The following CALML4 variants were observed in gnomAD, a reference collection of about 807,000 sequenced individuals.
CALML4 encodes the protein calmodulin-like protein 4.
Under a neutral mutation model 17.9 loss-of-function variants are expected in CALML4, and 16 were observed. That is an observed-to-expected ratio of 0.89 (90% CI 0.61 to 1.36). CALML4 has a LOEUF of 1.36. Among genes scored for constraint, CALML4 ranks in the 40% most tolerant of loss-of-function variants. The pLI is 0.00. For synonymous variants in CALML4, 86 were observed against 71.5 expected, an observed-to-expected ratio of 1.20 and a Z score of -1.02; for missense variants, 203 against 194.8, an observed-to-expected ratio of 1.04 and a Z score of -0.25.
intron 2 of CALML4, chr15:68,199,923 TA>T (rs1159210927): frequency 1.1e-5 from 4 of 366,712 alleles, no homozygotes; most frequent in African/African-American, 8.4e-5. Context: ...ATAGGACATA[TA>T]CTTCTATTGG....
chr15:68,196,599 C>T (rs975416598), intron 4 of CALML4, among the ~76,000 whole-genome samples: 1 of 152,140 alleles, frequency 6.6e-6, no homozygotes, highest in Non-Finnish European at 1.5e-5. Context: ...TCCCTGGCCT[C>T]GGGCAGAGGC....
At position 68,191,454 on chromosome 15, in the gene CALML4, C is replaced by G. The variant is rs1057359533; in HGVS notation, c.*2561G>C. ...CTCTTTAGATGTAATAAAAGAAAAG[C>G]CTTCAGTTAATTTGTCTTCTGTAAA... On this transcript the variant is annotated 3_prime_UTR_variant, in exon 5 of 5. Transcript: ENST00000467889. 1 of 152,584 alleles carries G rather than the reference C, an allele frequency of 6.6e-6. No homozygotes were observed. Among genetic ancestry groups the G allele is most frequent in the Admixed American group, 6.5e-5 (1 of 15,276 alleles). The allele number at this position is 152,584 out of a possible 1,614,324, so 9.5% of individuals were successfully genotyped here.
rs2093179352 is a variant in CALML4 at position 68,205,322 on chromosome 15, G to A, written c.-75C>T. The A allele has an allele frequency of 1.2e-6, 2 of 1,614,028 alleles. No individual in the cohort carries two copies. Among genetic ancestry groups the A allele is most frequent in the Admixed American group, 1.7e-5 (1 of 60,004 alleles). Reference sequence around the variant, plus strand: ...TCAGTTCCCTTTCCTCCAGCCTCAAGTCTAAAGTCTGCCAAGCTGGGTGGA... The same window carrying A: ...TCAGTTCCCTTTCCTCCAGCCTCAAATCTAAAGTCTGCCAAGCTGGGTGGA... On this transcript the variant is annotated 5_prime_UTR_variant, in exon 1 of 5. Coordinates refer to ENST00000467889, the MANE Select transcript of CALML4 (RefSeq NM_033429.3). The surrounding 1 kb of genome is among the most constrained non-coding windows in gnomAD (Gnocchi z 4.8).
chr15:68,199,436 C>T (rs2093157577), intron 3 of CALML4, 105 bp downstream of exon 3: 3 of 1,298,056 alleles, frequency 2.3e-6, no homozygotes, highest in South Asian at 1.6e-5. Context: ...CCCAGGAGGC[C>T]TCCCTGCCAC....
intron 4 of CALML4, among the ~76,000 whole-genome samples, chr15:68,194,491 C>A (rs752999329): frequency 6.6e-6 from 1 of 151,588 alleles, no homozygotes; most frequent in Admixed American, 6.6e-5. Context: ...TCAAGCGATT[C>A]TCCTGCCTCA....
Position 68,200,598 on chromosome 15 carries a change from G to A in CALML4, c.35-917C>T, listed in dbSNP as rs186239118. On this transcript the variant is annotated intron_variant, in intron 2 of 4. Coordinates refer to ENST00000467889, the MANE Select transcript of CALML4 (RefSeq NM_033429.3). This position sits in a 1 kb window ranked among gnomAD's most constrained non-coding sequence, Gnocchi z 4.3. ...AGCATCTGATTTAGGGGTAGGTGGG[G>A]CTGCCATCAGGACAGGGAGATTCTC... Among the ~76,000 whole-genome samples the A allele has an allele frequency of 4.6e-4, 70 of 152,300 alleles. 2 individuals are homozygous for A. Among genetic ancestry groups the A allele is most frequent in the East Asian group, 3.7e-3 (19 of 5,162 alleles).
chr15:68,196,174 G>A (rs764422477), intron 4 of CALML4, among the ~76,000 whole-genome samples: 6 of 152,288 alleles, frequency 3.9e-5, no homozygotes, highest in South Asian at 4.1e-4. Context: ...TCAGCCTCCC[G>A]AGTAGCTGGG....
At chr15:68,201,237 G>C (rs745426624) in intron 2 of CALML4, among the ~76,000 whole-genome samples, 4 of 152,222 alleles carry the variant, frequency 2.6e-5, no homozygotes, top group Admixed American at 6.5e-5. Context: ...GCTTCCGAAG[G>C]GGCAAACCAA....
chr15:68,205,128 T>C lies in CALML4; in HGVS notation c.27A>G (p.Gln9=). 2 of 1,614,014 alleles carry C rather than the reference T, an allele frequency of 1.2e-6. No homozygotes were observed. The highest frequency in any genetic ancestry group is 1.7e-6 in the Non-Finnish European group (2 of 1,180,018). MAKFLSQD[Q]INEYKECFSL... ...AGAACAAACCCAACCTACCATTAAT[T>C]TGGTCTTGGGAAAGAAACTTGGCCT... The change falls in exon 2 of 5, where the codon CAA becomes CAG. Residue 9 remains glutamine (Q), a synonymous_variant. Coordinates refer to ENST00000467889, the MANE Select transcript of CALML4 (RefSeq NM_033429.3). The surrounding 1 kb of genome is among the most constrained non-coding windows in gnomAD (Gnocchi z 4.8).
Position 68,194,099 on chromosome 15 carries a change from G to T in CALML4, c.378C>A (p.Phe126Leu). The T allele has an allele frequency of 1.2e-6, 2 of 1,612,342 alleles. No individual in the cohort carries two copies. The highest frequency in any genetic ancestry group is 1.7e-6 in the Non-Finnish European group (2 of 1,178,442). ...KLTHKEVDDL[F>L]READIEPNGK... ...CATTGGGTTCGATATCTGCTTCCCT[G>T]AAGAGATCATCCACTGCAATAAATC... The change falls in exon 5 of 5, where the codon TTC (phenylalanine) becomes TTA (leucine). Residue 126 changes from phenylalanine to leucine, a missense_variant. Phe to Leu is a conservative substitution (Grantham distance 22). Coordinates refer to ENST00000467889, the MANE Select transcript of CALML4 (RefSeq NM_033429.3).
chr15:68,197,038 G>A lies in CALML4; in HGVS notation c.364+402C>T, dbSNP rs775951945. Among the ~76,000 whole-genome samples, 2 of 152,188 alleles carry A rather than the reference G, an allele frequency of 1.3e-5. No individual in the cohort carries two copies. Among genetic ancestry groups the A allele is most frequent in the Non-Finnish European group, 1.5e-5 (1 of 68,028 alleles). On this transcript the variant is annotated intron_variant, in intron 4 of 4. Transcript: ENST00000467889. The surrounding 1 kb of genome is among the most constrained non-coding windows in gnomAD (Gnocchi z 4.1). ...CTAGACCTGCCTTCGCTCCTGCGCC[G>A]CTGCTTGGGAGCCGCTCACTCCCCC...
At position 68,192,182 on chromosome 15, in the gene CALML4, G is replaced by A. The variant is rs1010616043; in HGVS notation, c.*1833C>T. 5.3e-5 allele frequency: 8 copies of A among 152,000 alleles called. No individual in the cohort carries two copies. The highest frequency in any genetic ancestry group is 1.9e-4 in the African/African-American group (8 of 41,354). The allele number at this position is 152,000 out of a possible 1,614,324, so 9.4% of individuals were successfully genotyped here. A position where few individuals can be genotyped will look rare whatever the true frequency, so the allele number is the denominator to read the frequency against. ...GGCTGTGCAGGATTTACTTCCTAAT[G>A]TCCATGACTGGAGCTCAAAAGAACT... On this transcript the variant is annotated 3_prime_UTR_variant, in exon 5 of 5. Transcript: ENST00000467889.
intron 2 of CALML4, among the ~76,000 whole-genome samples, chr15:68,201,455 C>T (rs1256623640): frequency 3.9e-5 from 6 of 152,204 alleles, no homozygotes; most frequent in Non-Finnish European, 5.9e-5. Context: ...AGGGGGTACC[C>T]CTGGGGACCT....
At position 68,197,393 on chromosome 15, in the gene CALML4, C is replaced by T. The variant is rs772559404; in HGVS notation, c.364+47G>A. 1.9e-6 allele frequency: 3 copies of T among 1,576,558 alleles called. No individual in the cohort carries two copies. Among genetic ancestry groups the T allele is most frequent in the Non-Finnish European group, 1.7e-6 (2 of 1,160,066 alleles). ...CTAGGCTTTGGTGCCCTCCTTCCAA[C>T]TCCCTAACCCCCTCCAACTGTTGGG... is the stretch of plus-strand genomic sequence containing the variant. On this transcript the variant is annotated intron_variant, in intron 4 of 4. Coordinates refer to ENST00000467889, the MANE Select transcript of CALML4 (RefSeq NM_033429.3). The surrounding 1 kb of genome is among the most constrained non-coding windows in gnomAD (Gnocchi z 4.1).
rs767464297 is a variant in CALML4, at chr15:68,197,594, C to G, written c.210G>C (p.Leu70=). 12 of 1,614,068 alleles carry G rather than the reference C, an allele frequency of 7.4e-6. No homozygotes were observed. The highest frequency in any genetic ancestry group is 1.0e-5 in the Non-Finnish European group (12 of 1,180,024). ...GTTTTATTTGCATGTGCATAATGGT[C>G]AGAAAAGTGGAGAAATCCAGCTCTC... is the stretch of plus-strand genomic sequence containing the variant. ...GNGELDFSTF[L]TIMHMQIKQE... is the part of the protein sequence containing the mutation. The change falls in exon 4 of 5, where the codon CTG becomes CTC. Residue 70 remains leucine (L), a synonymous_variant. Coordinates refer to ENST00000467889, the MANE Select transcript of CALML4 (RefSeq NM_033429.3). This position sits in a 1 kb window ranked among gnomAD's most constrained non-coding sequence, Gnocchi z 4.1.
rs1326706609 is a variant in CALML4, at chr15:68,193,050, T to G, written c.*965A>C. ...AAGCCTAGTGCTCCTACTACTGTTTTCCAGGGCTGTTGTACCCTGGCCATT... is the reference window on the plus strand; with the variant it reads ...AAGCCTAGTGCTCCTACTACTGTTTGCCAGGGCTGTTGTACCCTGGCCATT... On this transcript the variant is annotated 3_prime_UTR_variant, in exon 5 of 5. Coordinates refer to ENST00000467889, the MANE Select transcript of CALML4 (RefSeq NM_033429.3). The G allele has an allele frequency of 6.6e-6, 1 of 152,268 alleles. No individual in the cohort carries two copies. Among genetic ancestry groups the G allele is most frequent in the Non-Finnish European group, 1.5e-5 (1 of 68,088 alleles). The allele number at this position is 152,268 out of a possible 1,614,324, so 9.4% of individuals were successfully genotyped here. A position where few individuals can be genotyped will look rare whatever the true frequency, so the allele number is the denominator to read the frequency against.
At position 68,204,056 on chromosome 15, in the gene CALML4, C is replaced by T. The variant is rs77142133; in HGVS notation, c.34+1065G>A. ...AGACCTGGACAAGAGGGCACTGCCC[C>T]GGGCCCTGTGTTTTAAAAGTCCCTG... is the stretch of plus-strand genomic sequence containing the variant. On this transcript the variant is annotated intron_variant, in intron 2 of 4. Transcript: ENST00000467889. The surrounding 1 kb of genome is among the most constrained non-coding windows in gnomAD (Gnocchi z 6.0). 3.3e-5 allele frequency among the ~76,000 whole-genome samples: 5 copies of T among 152,270 alleles called. No homozygotes were observed. The highest frequency in any genetic ancestry group is 4.1e-4 in the South Asian group (2 of 4,826).
intron 3 of CALML4, chr15:68,198,545 C>T (rs2093153999): frequency 6.6e-6 from 1 of 152,244 alleles, no homozygotes; most frequent in African/African-American, 2.4e-5. Flanking sequence ...GGCTCTGAAA[C>T]TACTTTTTTT....
At position 68,193,415 on chromosome 15, in the gene CALML4, A is replaced by T. The variant is rs150572646; in HGVS notation, c.*600T>A. 1 of 152,724 alleles carries T rather than the reference A, an allele frequency of 6.5e-6. No homozygotes were observed. Among genetic ancestry groups the T allele is most frequent in the Non-Finnish European group, 1.5e-5 (1 of 68,422 alleles). The allele number at this position is 152,724 out of a possible 1,614,324, so 9.5% of individuals were successfully genotyped here. ...AATGAATAGCCTGAGCTATGTCACT[A>T]TATCTGTTGAGATGGAAATGAGAAT... On this transcript the variant is annotated 3_prime_UTR_variant, in exon 5 of 5. Coordinates refer to ENST00000467889, the MANE Select transcript of CALML4 (RefSeq NM_033429.3).
Sources: allele counts gnomAD v4.1 joint callset (sites outside exome capture counted in the v4.1 genomes callset), GRCh38; gene constraint gnomAD v4.1.1; non-coding constraint Gnocchi (gnomAD v3.1); transcripts MANE v1.5; gene names NCBI Gene and HGNC (gene_info 2026-07-23, HGNC 2026-07-21).